The following MAP4K3 variants were observed in gnomAD, a reference collection of about 807,000 sequenced individuals.
MAP4K3 encodes MAPK/ERK kinase kinase kinase 3.
A neutral mutation model predicts 143.5 loss-of-function variants in MAP4K3; 94 were observed. That is an observed-to-expected ratio of 0.65 (90% CI 0.55 to 0.78). MAP4K3 has a LOEUF of 0.78. Among genes scored for constraint, MAP4K3 ranks in the 30% least tolerant of loss-of-function variants. The pLI is 0.00. For synonymous variants in MAP4K3, 416 were observed against 347.2 expected (o/e 1.20, Z -2.20); for missense variants, 1,077 against 1,068.1 (o/e 1.01, Z -0.12).
At chr2:39,315,426 TAATC>T in intron 12 of MAP4K3, 38 bp from the exon 13 acceptor site, 1 of 1,362,376 alleles carries the variant, frequency 7.3e-7, no homozygotes, top group Non-Finnish European at 1.0e-6. Flanking sequence ...CAGCATTTGA[TAATC>T]AAGTCATAGT....
chr2:39,332,720 C>A (rs1001424507), intron 7 of MAP4K3, among the ~76,000 whole-genome samples: 1 of 151,912 alleles, frequency 6.6e-6, no homozygotes, highest in Non-Finnish European at 1.5e-5. Context: ...CTAAAAAGAA[C>A]AGGACATATC....
At chr2:39,284,927 G>C (rs771474894) in intron 21 of MAP4K3, among the ~76,000 whole-genome samples, 3 of 151,796 alleles carry the variant, frequency 2.0e-5, no homozygotes, top group African/African-American at 7.3e-5. Context: ...GTCTTGCTCT[G>C]TCACCCAGGC....
chr2:39,417,668 A>G (rs1490967460), intron 1 of MAP4K3, among the ~76,000 whole-genome samples: 1 of 152,228 alleles, frequency 6.6e-6, no homozygotes, highest in Non-Finnish European at 1.5e-5. Context: ...AATTATAGAT[A>G]TGTATGTATA....
Position 39,250,133 on chromosome 2 carries a change from T to A in MAP4K3, c.*485A>T, listed in dbSNP as rs192947936. 5.9e-5 allele frequency: 9 copies of A among 152,780 alleles called. No homozygotes were observed. The highest frequency in any genetic ancestry group is 2.2e-4 in the African/African-American group (9 of 41,588). 9.5% of individuals were successfully genotyped at this position (152,780 alleles called of 1,614,324 possible). A position where few individuals can be genotyped will look rare whatever the true frequency, so the allele number is the denominator to read the frequency against. Reference sequence around the variant, plus strand: ...AAAAGTTACAAGATTTATATTCATATTACTAAATTACATATAATAAAAATA... The same window carrying A: ...AAAAGTTACAAGATTTATATTCATAATACTAAATTACATATAATAAAAATA... On this transcript the variant is annotated 3_prime_UTR_variant, in exon 34 of 34. Coordinates refer to ENST00000263881, the MANE Select transcript of MAP4K3 (RefSeq NM_003618.4).
intron 1 of MAP4K3, among the ~76,000 whole-genome samples, chr2:39,417,444 C>T (rs1418493354): frequency 1.3e-5 from 2 of 152,108 alleles, no homozygotes; most frequent in Admixed American, 1.3e-4. Flanking sequence ...TGGTCTTGAT[C>T]TCCTGACCTT....
Position 39,272,225 on chromosome 2 carries a change from T to C in MAP4K3, c.1973+58A>G, listed in dbSNP as rs184578138. 550 of 1,308,660 alleles carry C rather than the reference T, an allele frequency of 4.2e-4. 3 individuals are homozygous for C. The highest frequency in any genetic ancestry group is 2.8e-3 in the Middle Eastern group (15 of 5,284). 81.1% of individuals were successfully genotyped at this position (1,308,660 alleles called of 1,614,324 possible). ...GAGTGCTCTTTCACTTTCTGTAACA[T>C]AAATATTTATGAGAATGAACTGTTA... On this transcript the variant is annotated intron_variant, in intron 26 of 33. Coordinates refer to ENST00000263881, the MANE Select transcript of MAP4K3 (RefSeq NM_003618.4).
At chr2:39,255,818 G>A (rs1680320293) in intron 31 of MAP4K3, among the ~76,000 whole-genome samples, 1 of 152,114 alleles carries the variant, frequency 6.6e-6, no homozygotes, top group Non-Finnish European at 1.5e-5. Context: ...GAGCCGCCGC[G>A]CCTGGCCATT....
At chr2:39,299,701 A>T (rs2111382) in intron 16 of MAP4K3, 42 bp downstream of exon 16, 1 of 1,126,588 alleles carries the variant, frequency 8.9e-7, no homozygotes, top group Non-Finnish European at 1.3e-6. Context: ...GCAACTTAAT[A>T]ATTCTTGAAT....
At chr2:39,278,681 A>G (rs1217233016) in intron 23 of MAP4K3, among the ~76,000 whole-genome samples, 195 bp from the exon 24 acceptor site, 3 of 152,234 alleles carry the variant, frequency 2.0e-5, no homozygotes, top group Admixed American at 1.3e-4. Context: ...GCCTCAAAGC[A>G]GTGAAGAGAA....
chr2:39,432,563 A>C (rs761922192), intron 1 of MAP4K3, among the ~76,000 whole-genome samples: 20 of 152,216 alleles, frequency 1.3e-4, no homozygotes, highest in Admixed American at 2.0e-4. Flanking sequence ...GCTTCCTTCA[A>C]ATGTTCTTTT....
chr2:39,303,191 C>T (rs1682573628), intron 15 of MAP4K3: 1 of 166,866 alleles, frequency 6.0e-6, no homozygotes, highest in Non-Finnish European at 1.5e-5. Context: ...GAAATATTTT[C>T]CCATCAAAAA....
intron 3 of MAP4K3, among the ~76,000 whole-genome samples, chr2:39,352,872 T>C (rs757533994): frequency 7.9e-5 from 12 of 152,204 alleles, no homozygotes; most frequent in Non-Finnish European, 1.6e-4. Context: ...TTTCTTAACT[T>C]TTTGTCTAAA....
intron 1 of MAP4K3, among the ~76,000 whole-genome samples, chr2:39,416,759 G>C (rs191426783): frequency 1.3e-5 from 2 of 152,246 alleles, no homozygotes; most frequent in Admixed American, 1.3e-4. Context: ...GCATAAAAAA[G>C]AATATTTTTA....
intron 1 of MAP4K3, among the ~76,000 whole-genome samples, chr2:39,394,230 C>T (rs1017149399): frequency 6.6e-6 from 1 of 152,164 alleles, no homozygotes; most frequent in Non-Finnish European, 1.5e-5. Flanking sequence ...ATCTCATTTG[C>T]TTCTGTTACT....
chr2:39,404,393 C>G (rs1460100437), intron 1 of MAP4K3, among the ~76,000 whole-genome samples: 1 of 152,074 alleles, frequency 6.6e-6, no homozygotes, highest in Non-Finnish European at 1.5e-5. Flanking sequence ...TCACCACAAG[C>G]TGACTGAAGA....
In MAP4K3 at chr2:39,278,070, T is replaced by G. The variant is rs534430316; in HGVS notation, c.1794+337A>C. ...GCCGAGGCGGGCAGATCACCTGAGG[T>G]CAGGAGTTCAAGACCAGCCTGGCCA... On this transcript the variant is annotated intron_variant, in intron 24 of 33. Transcript: ENST00000263881. Among the ~76,000 whole-genome samples, 3 of 136,318 alleles carry G rather than the reference T, an allele frequency of 2.2e-5. No individual in the cohort carries two copies. In the East Asian group the frequency reaches 6.8e-4, roughly 31 times the overall value. 89.4% of individuals were successfully genotyped at this position (136,318 alleles called of 152,430 possible).
chr2:39,297,373 C>T (rs976066816), intron 16 of MAP4K3, among the ~76,000 whole-genome samples: 1 of 152,148 alleles, frequency 6.6e-6, no homozygotes, highest in African/African-American at 2.4e-5. Context: ...TCGCCTCGGC[C>T]TCCAAAAGTG....
At chr2:39,317,167 C>T (rs1186267335) in intron 12 of MAP4K3, among the ~76,000 whole-genome samples, 14 of 152,024 alleles carry the variant, frequency 9.2e-5, no homozygotes, top group African/African-American at 3.1e-4. Flanking sequence ...GGGGAGAGAA[C>T]GCCCCATTCA....
intron 1 of MAP4K3, among the ~76,000 whole-genome samples, chr2:39,423,479 C>T (rs901168972): frequency 6.6e-6 from 1 of 152,186 alleles, no homozygotes; most frequent in African/African-American, 2.4e-5. Flanking sequence ...ATATTTATAG[C>T]TGCTTTATTC....
Sources: allele counts gnomAD v4.1 joint callset (sites outside exome capture counted in the v4.1 genomes callset), GRCh38; gene constraint gnomAD v4.1.1; transcripts MANE v1.5; gene names NCBI Gene and HGNC (gene_info 2026-07-23, HGNC 2026-07-21).